ZSCAN1: variants seen among roughly 807,000 people sequenced by gnomAD.
ZSCAN1 encodes the protein zinc finger and SCAN domain-containing protein 1.
In ZSCAN1, 23 loss-of-function variants were observed where a neutral mutation model predicts 23.8. That is an observed-to-expected ratio of 0.97 (90% CI 0.70 to 1.37). The LOEUF is 1.37. Among genes scored for constraint, ZSCAN1 ranks in the 40% most tolerant of loss-of-function variants. The pLI, the probability that ZSCAN1 is intolerant of heterozygous loss-of-function variation, is 0.00. For synonymous variants in ZSCAN1, 236 were observed against 232.3 expected (o/e 1.02, Z -0.15); for missense variants, 575 against 554.0 (o/e 1.04, Z -0.38).
intron 4 of ZSCAN1, chr19:58,046,641 G>A: frequency 3.4e-6 from 3 of 870,352 alleles, no homozygotes; most frequent in Non-Finnish European, 6.0e-6. Flanking sequence ...AGGTGATTGA[G>A]CTGGTGGACA....
intron 4 of ZSCAN1, chr19:58,046,780 G>T (rs372962829): frequency 2.7e-6 from 2 of 753,666 alleles, no homozygotes; most frequent in Non-Finnish European, 4.9e-6. Flanking sequence ...AGCCACTGGC[G>T]TGGGCACCTG....
rs753830753 is a variant in ZSCAN1 at position 58,037,987 on chromosome 19, G to C, written c.151G>C (p.Gly51Arg). The change falls in exon 3 of 6, where the codon GGG (glycine) becomes CGG (arginine). Residue 51 changes from glycine to arginine, a missense_variant. By Grantham distance (125) the Gly-to-Arg change is moderately radical. Coordinates refer to ENST00000282326, the MANE Select transcript of ZSCAN1 (RefSeq NM_182572.4). ...FRQFQYHVAS[G>R]PHLALGQLWT... The stretch of plus-strand genomic sequence containing the variant: ...GCAGTTCCAGTACCACGTGGCGAGC[G>C]GGCCGCACCTCGCGCTGGGCCAGCT... The C allele has an allele frequency of 6.2e-7, 1 of 1,608,282 alleles. No individual in the cohort carries two copies. The highest frequency in any genetic ancestry group is 1.1e-5 in the South Asian group (1 of 90,970).
At chr19:58,050,306 C>T (rs1343645532) in intron 4 of ZSCAN1, among the ~76,000 whole-genome samples, 1 of 151,502 alleles carries the variant, frequency 6.6e-6, no homozygotes, top group African/African-American at 2.4e-5. Flanking sequence ...TGTGGTGGCA[C>T]GTGCCTATAG....
chr19:58,045,284 C>T lies in ZSCAN1; in HGVS notation c.465+4740C>T, dbSNP rs79208032. On this transcript the variant is annotated intron_variant, in intron 4 of 5. Transcript: ENST00000282326. The surrounding 1 kb of genome is among the most constrained non-coding windows in gnomAD (Gnocchi z 4.3). The stretch of plus-strand genomic sequence containing the variant: ...TGCCTGTTGCTGTGAAACTCTTCCC[C>T]AACATGTTGCCATCCACATCCGAGA... 0.16 allele frequency: 124,433 copies of T among 790,178 alleles called. 11,747 individuals are homozygous for T. Among genetic ancestry groups the T allele is most frequent in the Middle Eastern group, 0.21 (937 of 4,462 alleles). The allele number at this position is 790,178 out of a possible 1,614,324, so 48.9% of individuals were successfully genotyped here.
rs770551086 is a variant in ZSCAN1 at position 58,053,770 on chromosome 19, G to A, written c.946G>A (p.Glu316Lys). 1.6e-5 allele frequency: 26 copies of A among 1,614,028 alleles called. No individual in the cohort carries two copies. The highest frequency in any genetic ancestry group is 5.3e-5 in the African/African-American group (4 of 74,926). Reference sequence around the variant, plus strand: ...CATCGAGCACCAGAAGACCCATCGCGAGGAAGGGCCCTTTCCGTGCCCCGA... The same window carrying A: ...CATCGAGCACCAGAAGACCCATCGCAAGGAAGGGCCCTTTCCGTGCCCCGA... ...HFIEHQKTHR[E>K]EGPFPCPECG... The change falls in exon 6 of 6, where the codon GAG (glutamate) becomes AAG (lysine). Residue 316 changes from glutamate (E) to lysine (K), a missense_variant. Glu to Lys is a moderately conservative substitution (Grantham distance 56). Coordinates refer to ENST00000282326, the MANE Select transcript of ZSCAN1 (RefSeq NM_182572.4). This position sits in a 1 kb window ranked among gnomAD's most constrained non-coding sequence, Gnocchi z 5.8.
At chr19:58,055,608 C>A (rs1172376635), downstream of ZSCAN1, among the ~76,000 whole-genome samples, 6 of 152,186 alleles carry the variant, frequency 3.9e-5, no homozygotes, top group Non-Finnish European at 7.3e-5. Context: ...CTCGGAAGCC[C>A]CCCTGAGCCT....
rs368672107 is a variant in ZSCAN1, at chr19:58,040,303, C to G, written c.371-147C>G. 9.4e-5 allele frequency: 75 copies of G among 801,030 alleles called. 1 individual carries two copies. In the East Asian group the frequency reaches 1.1e-3, roughly 12 times the overall value. The allele number at this position is 801,030 out of a possible 1,614,324, so 49.6% of individuals were successfully genotyped here. A position where few individuals can be genotyped will look rare whatever the true frequency, so the allele number is the denominator to read the frequency against. On this transcript the variant is annotated intron_variant, in intron 3 of 5. Transcript: ENST00000282326. The surrounding 1 kb of genome is among the most constrained non-coding windows in gnomAD (Gnocchi z 5.8). ...CCTGCCCAGCAGCCACATGGAGGGACAGAATGACAGCCCTGCAGCCACTCT... is the reference window on the plus strand; with the variant it reads ...CCTGCCCAGCAGCCACATGGAGGGAGAGAATGACAGCCCTGCAGCCACTCT...
intron 4 of ZSCAN1, among the ~76,000 whole-genome samples, chr19:58,041,276 C>T (rs957815058): frequency 1.3e-5 from 2 of 152,250 alleles, no homozygotes; most frequent in Non-Finnish European, 2.9e-5. Context: ...CGGGCCAGAG[C>T]ACCATCTGCC....
chr19:58,052,424 C>T lies in ZSCAN1; in HGVS notation c.466-66C>T, dbSNP rs948198757. 3.5e-5 allele frequency: 57 copies of T among 1,609,066 alleles called. No homozygotes were observed. In the Admixed American group the frequency reaches 3.9e-4, roughly 11 times the overall value. ...GGATGACGCCCGTTCCTTGGTTGTT[C>T]GGTGGTGGTGGGGAGGATGGCTCCT... On this transcript the variant is annotated intron_variant, in intron 4 of 5. Coordinates refer to ENST00000282326, the MANE Select transcript of ZSCAN1 (RefSeq NM_182572.4).
In ZSCAN1 at chr19:58,040,571, C is replaced by A; in HGVS notation, c.465+27C>A. ...TGAGCCCGGGGCCCCCAGCTCCGTG[C>A]TCCTGCACCCCAGGGCATGCGTGCC... On this transcript the variant is annotated intron_variant, in intron 4 of 5. Transcript: ENST00000282326. This position sits in a 1 kb window ranked among gnomAD's most constrained non-coding sequence, Gnocchi z 5.8. 1.2e-6 allele frequency: 2 copies of A among 1,607,912 alleles called. No individual in the cohort carries two copies. The highest frequency in any genetic ancestry group is 8.5e-7 in the Non-Finnish European group (1 of 1,175,414).
downstream of ZSCAN1, among the ~76,000 whole-genome samples, chr19:58,054,867 A>G (rs1279834720): frequency 6.6e-6 from 1 of 152,032 alleles, no homozygotes; most frequent in East Asian, 1.9e-4. This position sits in a 1 kb window ranked among gnomAD's most constrained non-coding sequence, Gnocchi z 4.2. Flanking sequence ...TTTTAGATAG[A>G]TGCCAACATT....
chr19:58,054,518 AGC>A lies in ZSCAN1; in HGVS notation c.*468_*469del, dbSNP rs2073880317. 2.5e-5 allele frequency: 4 copies of A among 159,596 alleles called. No homozygotes were observed. Among genetic ancestry groups the A allele is most frequent in the African/African-American group, 7.2e-5 (3 of 41,734 alleles). 9.9% of individuals were successfully genotyped at this position (159,596 alleles called of 1,614,324 possible). On this transcript the variant is annotated 3_prime_UTR_variant, in exon 6 of 6. Coordinates refer to ENST00000282326, the MANE Select transcript of ZSCAN1 (RefSeq NM_182572.4). This position sits in a 1 kb window ranked among gnomAD's most constrained non-coding sequence, Gnocchi z 4.2. ...ACCCCGGCTGCCCTCCTGCCAGCTTAGCCCCCTTGGAACCTAACAGATAAACA... is the reference window on the plus strand; with the variant it reads ...ACCCCGGCTGCCCTCCTGCCAGCTTACCCCTTGGAACCTAACAGATAAACA...
intron 3 of ZSCAN1, chr19:58,038,556 GGAATCCTAGAGATCCT>G: frequency 1.8e-6 from 1 of 540,578 alleles, no homozygotes; most frequent in Non-Finnish European, 3.2e-6. Flanking sequence ...GCAACACTCA[GGAATCCTAGAGATCCT>G]TAAGCCTTCA....
intron 3 of ZSCAN1, chr19:58,038,439 C>A: frequency 1.6e-6 from 1 of 621,734 alleles, no homozygotes; most frequent in Non-Finnish European, 2.8e-6. Flanking sequence ...CCCTCCATTT[C>A]CCATGCGTCC....
chr19:58,049,343 A>G lies in ZSCAN1; in HGVS notation c.466-3147A>G, dbSNP rs1472105510. 6.6e-6 allele frequency: 1 copy of G among 152,262 alleles called. No individual in the cohort carries two copies. The highest frequency in any genetic ancestry group is 1.5e-5 in the Non-Finnish European group (1 of 68,082). The allele number at this position is 152,262 out of a possible 1,614,324, so 9.4% of individuals were successfully genotyped here. ...CTGCAACTTCCCTAAGTCAAGACACATCGTCAGATCTTTTTGCTTGTAACA... is the reference window on the plus strand; with the variant it reads ...CTGCAACTTCCCTAAGTCAAGACACGTCGTCAGATCTTTTTGCTTGTAACA... On this transcript the variant is annotated intron_variant, in intron 4 of 5. Coordinates refer to ENST00000282326, the MANE Select transcript of ZSCAN1 (RefSeq NM_182572.4). This position sits in a 1 kb window ranked among gnomAD's most constrained non-coding sequence, Gnocchi z 4.5.
At chr19:58,036,881 G>A (rs549279000) in intron 2 of ZSCAN1, among the ~76,000 whole-genome samples, 1 of 152,124 alleles carries the variant, frequency 6.6e-6, no homozygotes, top group African/African-American at 2.4e-5. Context: ...ACGGGGTTTC[G>A]CCATGTCGGT....
At chr19:58,041,471 T>G (rs2073789201) in intron 4 of ZSCAN1, among the ~76,000 whole-genome samples, 1 of 152,176 alleles carries the variant, frequency 6.6e-6, no homozygotes, top group African/African-American at 2.4e-5. Flanking sequence ...TATCTCTTGG[T>G]AAGGAGATGT....
In ZSCAN1 at chr19:58,040,350, G is replaced by A. The variant is rs761269998; in HGVS notation, c.371-100G>A. 1.9e-5 allele frequency: 24 copies of A among 1,258,202 alleles called. No individual in the cohort carries two copies. In the East Asian group the frequency reaches 4.2e-4, roughly 22 times the overall value. The allele number at this position is 1,258,202 out of a possible 1,614,324, so 77.9% of individuals were successfully genotyped here. On this transcript the variant is annotated intron_variant, in intron 3 of 5. Transcript: ENST00000282326. The surrounding 1 kb of genome is among the most constrained non-coding windows in gnomAD (Gnocchi z 5.8). Reference sequence around the variant, plus strand: ...CTCTTGCCTGCGCCTCAGGGGTGCTGCAGGGATGTTCGGGGAAAGTCTGCC... The same window carrying A: ...CTCTTGCCTGCGCCTCAGGGGTGCTACAGGGATGTTCGGGGAAAGTCTGCC...
chr19:58,046,785 C>T, intron 4 of ZSCAN1: 3 of 752,194 alleles, frequency 4.0e-6, no homozygotes, highest in Non-Finnish European at 7.4e-6. Flanking sequence ...CTGGCGTGGG[C>T]ACCTGTCCTC....
Sources: gnomAD v4.1 joint callset for allele counts (sites outside exome capture counted in the v4.1 genomes callset) on GRCh38, gnomAD v4.1.1 for gene constraint, Gnocchi (gnomAD v3.1) non-coding constraint, MANE v1.5 for transcripts, NCBI Gene and HGNC (gene_info 2026-07-23, HGNC 2026-07-21) for gene names.